The following VTI1A variants were observed in gnomAD, a reference collection of about 807,000 sequenced individuals.
VTI1A encodes the protein vesicle transport through interaction with t-SNAREs 1A.
Under a neutral mutation model 34.9 loss-of-function variants are expected in VTI1A, and 22 were observed. That is an observed-to-expected ratio of 0.63 (90% confidence interval 0.45 to 0.90). The LOEUF is 0.90. VTI1A is among the 40% of genes least tolerant of loss of function. The pLI is 0.00. For missense variants in VTI1A, 268 were observed against 275.6 expected, an observed-to-expected ratio of 0.97 and a Z score of 0.20; for synonymous variants, 87 against 97.3, an observed-to-expected ratio of 0.89 and a Z score of 0.62.
intron 5 of VTI1A, among the ~76,000 whole-genome samples, chr10:112,575,032 A>G (rs1852279627): frequency 6.6e-6 from 1 of 152,242 alleles, no homozygotes; most frequent in Admixed American, 6.5e-5. Context: ...TTACACAGCC[A>G]GGTAGTGGTG....
chr10:112,599,737 G>A (rs532111443), intron 5 of VTI1A, among the ~76,000 whole-genome samples: 4 of 152,090 alleles, frequency 2.6e-5, no homozygotes, highest in South Asian at 2.1e-4. Context: ...ATACCATTCC[G>A]TCCAGCTAAT....
chr10:112,735,643 A>G lies in VTI1A; in HGVS notation c.560+66645A>G, dbSNP rs541060509. ...TTCAAAAAATTGTAATAAACATTTC[A>G]TTTTCAATATGGGCTTCATAAACAA... On this transcript the variant is annotated intron_variant, in intron 7 of 7. Coordinates refer to ENST00000393077, the MANE Select transcript of VTI1A (RefSeq NM_145206.4). Among the ~76,000 whole-genome samples, 14 of 152,282 alleles carry G rather than the reference A, an allele frequency of 9.2e-5. No individual in the cohort carries two copies. In the East Asian group the frequency reaches 1.9e-3, roughly 21 times the overall value.
chr10:112,843,453 C>T, the VTI1A span, among the ~76,000 whole-genome samples: 2 of 152,136 alleles, frequency 1.3e-5, no homozygotes, highest in African/African-American at 4.8e-5. Flanking sequence ...ATTAGCAATG[C>T]CTGTCATGGG....
intron 3 of VTI1A, among the ~76,000 whole-genome samples, chr10:112,471,516 G>A (rs1182834356): frequency 1.3e-5 from 2 of 151,802 alleles, no homozygotes; most frequent in Non-Finnish European, 2.9e-5. Context: ...GGAGGACTGA[G>A]GAGACCAAAT....
At chr10:112,668,573 A>C (rs1564875334) in intron 6 of VTI1A, among the ~76,000 whole-genome samples, 1 of 152,148 alleles carries the variant, frequency 6.6e-6, no homozygotes, top group African/African-American at 2.4e-5. Context: ...AGTGAAAACT[A>C]TAGAATTATT....
intron 7 of VTI1A, among the ~76,000 whole-genome samples, chr10:112,679,464 A>G (rs961910927): frequency 1.3e-5 from 2 of 152,056 alleles, no homozygotes; most frequent in South Asian, 2.1e-4. Flanking sequence ...TTTTGACAAC[A>G]TGGAAGCTGA....
chr10:112,776,013 T>G (rs1165453370), intron 7 of VTI1A, among the ~76,000 whole-genome samples: 1 of 147,378 alleles, frequency 6.8e-6, no homozygotes, highest in African/African-American at 2.7e-5. Flanking sequence ...TAGATTTTCT[T>G]GCCGTTTCTG....
chr10:112,839,487 G>T, the VTI1A span, among the ~76,000 whole-genome samples: 36 of 151,386 alleles, frequency 2.4e-4, 2 homozygotes, highest in East Asian at 1.6e-3. Context: ...GCCCGGGAAG[G>T]TCTGAGTGAT....
intron 3 of VTI1A, among the ~76,000 whole-genome samples, chr10:112,504,385 A>G (rs1202771128): frequency 1.3e-5 from 2 of 152,186 alleles, no homozygotes; most frequent in East Asian, 3.8e-4. Flanking sequence ...TTTAAACAAC[A>G]ACAAAATGGC....
At chr10:112,624,345 G>A (rs1845841258) in intron 5 of VTI1A, among the ~76,000 whole-genome samples, 1 of 152,142 alleles carries the variant, frequency 6.6e-6, no homozygotes, top group African/African-American at 2.4e-5. Flanking sequence ...TTCTCAAGAT[G>A]TTATTTTGAA....
chr10:112,507,902 G>T (rs1000619731), intron 3 of VTI1A, among the ~76,000 whole-genome samples: 1 of 152,120 alleles, frequency 6.6e-6, no homozygotes, highest in Non-Finnish European at 1.5e-5. Context: ...ACTCCACCAC[G>T]AATGAGAACA....
At chr10:112,818,873 T>C (rs1249464057), downstream of VTI1A, 1 of 172,152 alleles carries the variant, frequency 5.8e-6, no homozygotes, top group Non-Finnish European at 1.3e-5. Flanking sequence ...ACTGTTGGAA[T>C]ATGAAATAGA....
intron 5 of VTI1A, among the ~76,000 whole-genome samples, chr10:112,547,539 C>G (rs1186035380): frequency 6.6e-6 from 1 of 151,944 alleles, no homozygotes; most frequent in African/African-American, 2.4e-5. Context: ...GATTGTGCCA[C>G]TGCACTCCAG....
chr10:112,806,810 C>T (rs1466787960), intron 7 of VTI1A, among the ~76,000 whole-genome samples: 1 of 152,124 alleles, frequency 6.6e-6, no homozygotes, highest in African/African-American at 2.4e-5. Context: ...TGGTCTCAAA[C>T]TCCTAAGCTC....
intron 7 of VTI1A, chr10:112,677,882 G>C (rs1349942832): frequency 6.6e-6 from 1 of 152,236 alleles, no homozygotes; most frequent in Non-Finnish European, 1.5e-5. Context: ...CTTCTCTATT[G>C]TGAGATACTG....
chr10:112,760,116 G>A (rs1400590390), intron 7 of VTI1A, among the ~76,000 whole-genome samples: 1 of 152,126 alleles, frequency 6.6e-6, no homozygotes, highest in Non-Finnish European at 1.5e-5. Context: ...TAGAATCTAG[G>A]GAGGTAGATG....
chr10:112,750,332 G>C (rs577523445), intron 7 of VTI1A, among the ~76,000 whole-genome samples: 7 of 152,250 alleles, frequency 4.6e-5, no homozygotes, highest in Admixed American at 4.6e-4. Context: ...AGGACTATAG[G>C]CATGCACCAC....
intron 5 of VTI1A, among the ~76,000 whole-genome samples, chr10:112,650,723 TATA>T (rs998949918): frequency 6.6e-6 from 1 of 152,202 alleles, no homozygotes; most frequent in Non-Finnish European, 1.5e-5. Flanking sequence ...TCAGCGCTAT[TATA>T]ATCTTTTGGG....
At chr10:112,495,092 C>A (rs1295378664) in intron 3 of VTI1A, among the ~76,000 whole-genome samples, 1 of 151,276 alleles carries the variant, frequency 6.6e-6, no homozygotes, top group South Asian at 2.1e-4. Context: ...ATTGAAGAGG[C>A]CTGAATGTTT....
Sources: gnomAD v4.1 joint callset for allele counts (sites outside exome capture counted in the v4.1 genomes callset) on GRCh38, gnomAD v4.1.1 for gene constraint, MANE v1.5 for transcripts, NCBI Gene and HGNC (gene_info 2026-07-23, HGNC 2026-07-21) for gene names.